Variants in CDH13 observed in about 807,000 individuals in gnomAD.
The protein encoded by CDH13 is cadherin 13, also known as cadherin-13.
In CDH13, 24 loss-of-function variants were observed where a neutral mutation model predicts 63.8. The ratio of observed to expected loss-of-function variants is 0.38; its 90% CI spans 0.27 to 0.53. The LOEUF (loss-of-function observed/expected upper bound fraction) is 0.53, where lower values mean the gene tolerates loss of function less well. CDH13 is among the 20% of genes least tolerant of loss of function. CDH13 has a pLI of 0.85. For synonymous variants in CDH13, 503 were observed against 355.3 expected (o/e 1.42, Z -4.67); for missense variants, 1,049 against 903.1 (o/e 1.16, Z -2.07).
At position 83,010,000 on chromosome 16, in the gene CDH13, C is replaced by T. The variant is rs546358353; in HGVS notation, c.158-22010C>T. 3.4e-4 allele frequency among the ~76,000 whole-genome samples: 52 copies of T among 151,786 alleles called. 1 individual carries two copies. In the South Asian group the frequency reaches 4.8e-3, roughly 14 times the overall value. On this transcript the variant is annotated intron_variant, in intron 2 of 13. Transcript: ENST00000567109. Reference sequence around the variant, plus strand: ...AATACAAAAAATTAGCTGGGCATGGCGGCACACGCCTGTAATCCCAGCTAC... The same window carrying T: ...AATACAAAAAATTAGCTGGGCATGGTGGCACACGCCTGTAATCCCAGCTAC...
intron 6 of CDH13, among the ~76,000 whole-genome samples, chr16:83,425,507 G>C (rs561233943): frequency 6.6e-6 from 1 of 152,216 alleles, no homozygotes; most frequent in African/African-American, 2.4e-5. Context: ...TCCAGTTTAT[G>C]CTACCGCATC....
chr16:82,757,573 A>C (rs1677557008), intron 1 of CDH13, among the ~76,000 whole-genome samples: 1 of 152,110 alleles, frequency 6.6e-6, no homozygotes, highest in African/African-American at 2.4e-5. Flanking sequence ...TAGGTAACTG[A>C]TCAGGTAGAA....
chr16:83,435,923 A>G (rs1222397814), intron 6 of CDH13, among the ~76,000 whole-genome samples: 1 of 152,164 alleles, frequency 6.6e-6, no homozygotes, highest in African/African-American at 2.4e-5. Flanking sequence ...AGTATGGGGA[A>G]TGAATGTCTT....
chr16:83,553,679 C>T (rs1017502697), intron 7 of CDH13, among the ~76,000 whole-genome samples: 2 of 152,158 alleles, frequency 1.3e-5, no homozygotes, highest in African/African-American at 4.8e-5. Flanking sequence ...GCATCAGCCT[C>T]CCAAGTAGTT....
At chr16:83,408,556 T>C (rs954133572) in intron 6 of CDH13, among the ~76,000 whole-genome samples, 1 of 152,140 alleles carries the variant, frequency 6.6e-6, no homozygotes, top group Non-Finnish European at 1.5e-5. Context: ...AAAAATACAG[T>C]ATAAAATATT....
At chr16:83,014,789 TTTG>T (rs1914565446) in intron 2 of CDH13, among the ~76,000 whole-genome samples, 2 of 74,264 alleles carry the variant, frequency 2.7e-5, no homozygotes, top group African/African-American at 5.4e-5. Flanking sequence ...TATATATATA[TTTG>T]TATATATATA....
At chr16:83,031,366 ATGTATATGTATACACGTAT>A (rs1916318467) in intron 2 of CDH13, among the ~76,000 whole-genome samples, 2 of 71,812 alleles carry the variant, frequency 2.8e-5, no homozygotes, top group Non-Finnish European at 5.4e-5. Flanking sequence ...ATACATGTAC[ATGTATATGTATACACGTAT>A]ATGTATATAC....
At chr16:83,554,524 AT>A (rs892883002) in intron 7 of CDH13, among the ~76,000 whole-genome samples, 4 of 152,242 alleles carry the variant, frequency 2.6e-5, no homozygotes, top group African/African-American at 7.2e-5. Flanking sequence ...TTATGTTAAA[AT>A]TTTTTTTAAT....
chr16:82,796,599 G>A (rs1597614575), intron 1 of CDH13, among the ~76,000 whole-genome samples: 2 of 152,312 alleles, frequency 1.3e-5, no homozygotes, highest in Admixed American at 1.3e-4. Flanking sequence ...ATCCATTCAT[G>A]ATACTTTGGC....
chr16:82,752,683 G>A (rs4395068), intron 1 of CDH13, among the ~76,000 whole-genome samples: 11 of 152,182 alleles, frequency 7.2e-5, no homozygotes, highest in African/African-American at 1.9e-4. Context: ...TGAGCCAGTC[G>A]TTCCAAAGGG....
chr16:82,930,349 C>G lies in CDH13; in HGVS notation c.157+71876C>G, dbSNP rs375156207. Among the ~76,000 whole-genome samples the G allele has an allele frequency of 2.0e-5, 3 of 152,184 alleles. No individual in the cohort carries two copies. In the East Asian group the frequency reaches 5.8e-4, roughly 29 times the overall value. ...GTATGGGACTCTCTCTTTTTGAATA[C>G]TGTAATAGATCAACAGCTAACATTT... On this transcript the variant is annotated intron_variant, in intron 2 of 13. Transcript: ENST00000567109.
At chr16:82,777,906 A>G (rs2035572356) in intron 1 of CDH13, among the ~76,000 whole-genome samples, 1 of 152,206 alleles carries the variant, frequency 6.6e-6, no homozygotes, top group Non-Finnish European at 1.5e-5. Flanking sequence ...ACAACAGGAC[A>G]ACTTGATTCG....
At chr16:82,901,173 T>G (rs1376610831) in intron 2 of CDH13, among the ~76,000 whole-genome samples, 1 of 152,044 alleles carries the variant, frequency 6.6e-6, no homozygotes, top group Non-Finnish European at 1.5e-5. Context: ...AGAAAAAGGT[T>G]GTTTTTTGAC....
chr16:83,445,241 T>TTTTATAATTTATAAAAGGTTTTATAAC (rs1567677345), intron 6 of CDH13, among the ~76,000 whole-genome samples: 1 of 56,528 alleles, frequency 1.8e-5, no homozygotes, highest in Non-Finnish European at 4.5e-5. Flanking sequence ...GAGTTTATAA[T>TTTTATAATTTATAAAAGGTTTTATAAC]TTATAAAAGC....
intron 7 of CDH13, among the ~76,000 whole-genome samples, chr16:83,546,608 T>C (rs936933793): frequency 6.6e-5 from 10 of 152,188 alleles, no homozygotes; most frequent in Admixed American, 6.5e-5. Flanking sequence ...CAACGTCTTA[T>C]GCCATGTCTC....
chr16:83,695,592 A>G (rs903599141), intron 10 of CDH13, among the ~76,000 whole-genome samples: 3 of 152,266 alleles, frequency 2.0e-5, no homozygotes, highest in South Asian at 2.1e-4. Flanking sequence ...CCAAAGAAAA[A>G]GAAGATAAAT....
chr16:83,570,625 G>T (rs1904489186), intron 7 of CDH13, among the ~76,000 whole-genome samples: 1 of 150,682 alleles, frequency 6.6e-6, no homozygotes, highest in Admixed American at 6.6e-5. Flanking sequence ...TCAACAGCAG[G>T]AGACAAAGTC....
intron 1 of CDH13, among the ~76,000 whole-genome samples, chr16:82,820,223 A>G (rs950435880): frequency 1.3e-5 from 2 of 152,196 alleles, no homozygotes; most frequent in African/African-American, 4.8e-5. Flanking sequence ...AGGAGATGAA[A>G]TAGTCAATAG....
chr16:82,906,092 A>C (rs944923142), intron 2 of CDH13, among the ~76,000 whole-genome samples: 1 of 152,146 alleles, frequency 6.6e-6, no homozygotes, highest in Admixed American at 6.5e-5. Context: ...CTACCTACCT[A>C]CCTGTACATC....
Sources: gnomAD v4.1 joint callset for allele counts (sites outside exome capture counted in the v4.1 genomes callset) on GRCh38, gnomAD v4.1.1 for gene constraint, MANE v1.5 for transcripts, NCBI Gene and HGNC (gene_info 2026-07-23, HGNC 2026-07-21) for gene names.